The following SLC39A10 variants were observed in gnomAD, a reference collection of about 807,000 sequenced individuals.
The protein encoded by SLC39A10 is solute carrier family 39 member 10.
SLC39A10 carries 13 observed loss-of-function variants against 65.1 expected under a neutral mutation model. The observed-to-expected ratio is 0.20, with a 90% confidence interval of 0.13 to 0.32. The LOEUF (loss-of-function observed/expected upper bound fraction) is 0.32, where lower values mean the gene tolerates loss of function less well. Ranked by LOEUF, SLC39A10 falls within the 10% of genes least tolerant of loss-of-function variation. SLC39A10 has a pLI of 1.00. For missense variants in SLC39A10, 831 were observed against 1,018.4 expected (o/e 0.82, Z 2.50); for synonymous variants, 321 against 342.2 (o/e 0.94, Z 0.68).
intron 2 of SLC39A10, among the ~76,000 whole-genome samples, chr2:195,620,904 T>C (rs1190633611): frequency 6.6e-6 from 1 of 152,176 alleles, no homozygotes; most frequent in East Asian, 1.9e-4. Context: ...TCTCTTGCCA[T>C]AGTTCCCACT....
chr2:195,638,960 T>TG (rs1181433014), intron 2 of SLC39A10, among the ~76,000 whole-genome samples: 1 of 150,816 alleles, frequency 6.6e-6, no homozygotes, highest in African/African-American at 2.5e-5. Context: ...CAGTTTTTTT[T>TG]TTTGTTTTTG....
At chr2:195,681,329 A>G (rs865901711) in intron 2 of SLC39A10, among the ~76,000 whole-genome samples, 10 of 152,234 alleles carry the variant, frequency 6.6e-5, no homozygotes, top group Middle Eastern at 3.4e-3. Context: ...GATTGAGACC[A>G]TCCTGGCTAA....
chr2:195,722,788 A>G (rs1286233589), intron 8 of SLC39A10, among the ~76,000 whole-genome samples: 1 of 152,204 alleles, frequency 6.6e-6, no homozygotes, highest in African/African-American at 2.4e-5. Flanking sequence ...TACATTTTTC[A>G]TTATGAATTC....
At chr2:195,657,892 A>T (rs551808663) in intron 1 of SLC39A10, among the ~76,000 whole-genome samples, 4 of 152,094 alleles carry the variant, frequency 2.6e-5, no homozygotes, top group African/African-American at 9.7e-5. Flanking sequence ...CTCTGCTCCT[A>T]CTAGTTTTCT....
chr2:195,723,292 T>G (rs1199804933), intron 8 of SLC39A10, among the ~76,000 whole-genome samples: 2 of 152,204 alleles, frequency 1.3e-5, no homozygotes, highest in South Asian at 2.1e-4. Context: ...TAGCTGAATT[T>G]AAGTTACAAT....
intron 8 of SLC39A10, among the ~76,000 whole-genome samples, chr2:195,721,209 G>A (rs1346539059): frequency 6.6e-6 from 1 of 152,078 alleles, no homozygotes; most frequent in African/African-American, 2.4e-5. Context: ...TAAAGTGCTG[G>A]GATTACAGGT....
At chr2:195,718,191 A>G in intron 7 of SLC39A10, 61 bp from the exon 8 acceptor site, 1 of 1,361,858 alleles carries the variant, frequency 7.3e-7, no homozygotes, top group Admixed American at 1.9e-5. Flanking sequence ...TCTGTCATTA[A>G]TGAAAATGTG....
At chr2:195,621,385 A>G (rs1444191971) in intron 2 of SLC39A10, among the ~76,000 whole-genome samples, 1 of 152,262 alleles carries the variant, frequency 6.6e-6, no homozygotes, top group Non-Finnish European at 1.5e-5. Flanking sequence ...GTGCATATTT[A>G]GAATTGGAAA....
intron 3 of SLC39A10, among the ~76,000 whole-genome samples, chr2:195,693,117 G>A (rs1052761454): frequency 6.6e-6 from 1 of 152,124 alleles, no homozygotes; most frequent in African/African-American, 2.4e-5. Flanking sequence ...TTTATGTGGT[G>A]TATCACATTT....
chr2:195,652,174 C>T (rs11682150), upstream of SLC39A10, among the ~76,000 whole-genome samples: 1 of 151,958 alleles, frequency 6.6e-6, no homozygotes, highest in African/African-American at 2.4e-5. Context: ...AGTTTATCTA[C>T]AGACCTGGAA....
At chr2:195,630,103 A>ATGTGTG (rs35865354) in intron 2 of SLC39A10, among the ~76,000 whole-genome samples, 3,642 of 131,732 alleles carry the variant, frequency 0.028, 142 homozygotes, top group African/African-American at 0.08. Context: ...CTCATTTTAT[A>ATGTGTG]TGTGTGTGTG....
intron 1 of SLC39A10, among the ~76,000 whole-genome samples, chr2:195,662,610 C>A (rs1276656633): frequency 6.6e-6 from 1 of 152,128 alleles, no homozygotes; most frequent in African/African-American, 2.4e-5. Flanking sequence ...TAAAAAGAAA[C>A]AATTTCAGAT....
chr2:195,657,521 G>C, intron 1 of SLC39A10: 1 of 985,480 alleles, frequency 1.0e-6, no homozygotes, highest in South Asian at 4.7e-5. Flanking sequence ...CCTCGTGTGC[G>C]GTCTGGGCTG....
chr2:195,649,956 CTT>C (rs1688996417), intron 2 of SLC39A10, among the ~76,000 whole-genome samples: 1 of 152,170 alleles, frequency 6.6e-6, no homozygotes, highest in African/African-American at 2.4e-5. Context: ...CGTGTTTTCT[CTT>C]TTCTTAGAAC....
intron 1 of SLC39A10, among the ~76,000 whole-genome samples, chr2:195,671,068 T>A (rs1689838291): frequency 6.6e-6 from 1 of 152,192 alleles, no homozygotes; most frequent in South Asian, 2.1e-4. Context: ...AGAATTCCTC[T>A]CATGATTCTG....
intron 3 of SLC39A10, 42 bp downstream of exon 3, chr2:195,683,948 GTACT>G: frequency 7.5e-7 from 1 of 1,338,768 alleles, no homozygotes; most frequent in Non-Finnish European, 1.0e-6. Flanking sequence ...AATAGTACCT[GTACT>G]TACTTTTTAA....
At chr2:195,628,917 T>G (rs1176734235) in intron 2 of SLC39A10, among the ~76,000 whole-genome samples, 1 of 152,202 alleles carries the variant, frequency 6.6e-6, no homozygotes, top group Admixed American at 6.5e-5. Flanking sequence ...ACCTGCATAG[T>G]CCATTACCTA....
chr2:195,708,250 T>G (rs1163650560), intron 4 of SLC39A10, among the ~76,000 whole-genome samples: 1 of 152,162 alleles, frequency 6.6e-6, no homozygotes, highest in African/African-American at 2.4e-5. Context: ...TAAGAAAGAA[T>G]TAGATTACAG....
intron 1 of SLC39A10, 152 bp downstream of exon 1, chr2:195,657,433 G>C: frequency 1.0e-6 from 1 of 985,916 alleles, no homozygotes; most frequent in Non-Finnish European, 1.2e-6. Context: ...CGGGCGCTGG[G>C]GTTCCCGCAG....
Sources: allele counts gnomAD v4.1 joint callset (sites outside exome capture counted in the v4.1 genomes callset), GRCh38; gene constraint gnomAD v4.1.1; transcripts MANE v1.5; gene names NCBI Gene and HGNC (gene_info 2026-07-23, HGNC 2026-07-21).